The following ZFAND3 variants were observed in gnomAD, a reference collection of about 807,000 sequenced individuals.
ZFAND3 encodes the protein zinc finger AN1-type containing 3.
ZFAND3 carries 10 observed loss-of-function variants against 29.6 expected under a neutral mutation model. That is an observed-to-expected ratio of 0.34 (90% CI 0.21 to 0.57). The LOEUF (loss-of-function observed/expected upper bound fraction) is 0.57, where lower values mean the gene tolerates loss of function less well. Ranked by LOEUF, ZFAND3 falls within the 20% of genes least tolerant of loss-of-function variation. ZFAND3 has a pLI of 0.86. For missense variants in ZFAND3, 230 were observed against 304.5 expected, an observed-to-expected ratio of 0.76 and a Z score of 1.82; for synonymous variants, 128 against 112.6, an observed-to-expected ratio of 1.14 and a Z score of -0.87.
chr6:37,990,606 CAAAATAAATG>C (rs746257813), intron 2 of ZFAND3, among the ~76,000 whole-genome samples: 3 of 151,778 alleles, frequency 2.0e-5, no homozygotes, highest in Non-Finnish European at 4.4e-5. Context: ...CAAAACAAGG[CAAAATAAATG>C]AATAATTTTA....
chr6:38,061,721 A>G lies in ZFAND3; in HGVS notation c.241A>G (p.Ser81Gly), dbSNP rs1210938656. 2.5e-6 allele frequency: 4 copies of G among 1,614,192 alleles called. No individual in the cohort carries two copies. The highest frequency in any genetic ancestry group is 3.4e-6 in the Non-Finnish European group (4 of 1,180,016). Residue 81 changes from serine (S) to glycine (G), a missense_variant, in exon 3 of 6, where the codon AGC (serine) becomes GGC (glycine). Ser to Gly is a moderately conservative substitution (Grantham distance 56). This residue lies in a region of ZFAND3 where 180 missense variants were observed against 202.5 expected (regional missense o/e 0.89). Coordinates refer to ENST00000287218, the MANE Select transcript of ZFAND3 (RefSeq NM_021943.3). ...TSITTPTLSP[S>G]QQPLPTELNV... ...GATAACCACGCCAACTCTTAGTCCC[A>G]GCCAGCAGCCGCTTCCGACAGAACT...
intron 1 of ZFAND3, among the ~76,000 whole-genome samples, chr6:37,878,426 G>C (rs1764833011): frequency 6.6e-6 from 1 of 151,956 alleles, no homozygotes; most frequent in South Asian, 2.1e-4. Context: ...CCCAGCGCTT[G>C]ATGTAGCTCT....
At chr6:37,857,259 T>G (rs1764401235) in intron 1 of ZFAND3, among the ~76,000 whole-genome samples, 1 of 152,240 alleles carries the variant, frequency 6.6e-6, no homozygotes, top group African/African-American at 2.4e-5. Context: ...ATAAATATTA[T>G]GTTTATCAAC....
chr6:37,887,199 C>T (rs942307828), intron 1 of ZFAND3, among the ~76,000 whole-genome samples: 4 of 152,232 alleles, frequency 2.6e-5, no homozygotes, highest in African/African-American at 9.6e-5. Context: ...GAATTTTGCT[C>T]TTGGATTTGA....
At chr6:38,066,932 CTG>C (rs1764357876) in intron 3 of ZFAND3, among the ~76,000 whole-genome samples, 1 of 152,186 alleles carries the variant, frequency 6.6e-6, no homozygotes, top group Non-Finnish European at 1.5e-5. Context: ...CTGTCCCAAA[CTG>C]TGTGTGTCTG....
At chr6:37,871,781 A>G (rs552021856) in intron 1 of ZFAND3, among the ~76,000 whole-genome samples, 27 of 152,268 alleles carry the variant, frequency 1.8e-4, no homozygotes, top group Non-Finnish European at 3.5e-4. Context: ...AGTAATTTTG[A>G]AATGCATCCT....
rs529321733 is a variant in ZFAND3 at position 38,153,660 on chromosome 6, C to T, written c.*1271C>T. On this transcript the variant is annotated 3_prime_UTR_variant, in exon 6 of 6. Coordinates refer to ENST00000287218, the MANE Select transcript of ZFAND3 (RefSeq NM_021943.3). The stretch of plus-strand genomic sequence containing the variant: ...GGATTTCAGCAGCTGCAACTGCGCA[C>T]GCCAGGTGGGGAAGGGTGGGGGTGG... 20 of 985,176 alleles carry T rather than the reference C, an allele frequency of 2.0e-5. No homozygotes were observed. In the Admixed American group the frequency reaches 8.0e-4, roughly 39 times the overall value. 61.0% of individuals were successfully genotyped at this position (985,176 alleles called of 1,614,324 possible). A position where few individuals can be genotyped will look rare whatever the true frequency, so the allele number is the denominator to read the frequency against.
Position 37,962,170 on chromosome 6 carries a change from G to C in ZFAND3, c.112+32171G>C, listed in dbSNP as rs1294386920. On this transcript the variant is annotated intron_variant, in intron 2 of 5. Transcript: ENST00000287218. The stretch of plus-strand genomic sequence containing the variant: ...TAAATTTGAAAGATTGAAATAACAA[G>C]AATTAGGCAGAAATTCTGAAGTTGA... Among the ~76,000 whole-genome samples, 6 of 152,296 alleles carry C rather than the reference G, an allele frequency of 3.9e-5. No homozygotes were observed. The South Asian group carries it at 1.2e-3, about 32-fold the overall frequency.
At chr6:38,085,372 G>A (rs958367035) in intron 4 of ZFAND3, among the ~76,000 whole-genome samples, 1 of 152,128 alleles carries the variant, frequency 6.6e-6, no homozygotes, top group East Asian at 1.9e-4. Flanking sequence ...ATCCATACAA[G>A]GTTGGACCTA....
At chr6:38,136,015 A>G (rs890171021) in intron 5 of ZFAND3, among the ~76,000 whole-genome samples, 2 of 152,338 alleles carry the variant, frequency 1.3e-5, no homozygotes, top group African/African-American at 4.8e-5. Context: ...AAAGAGACAC[A>G]GTAGAGAAGG....
rs1049408774 is a variant in ZFAND3 at position 37,871,424 on chromosome 6, A to G, written c.71+51408A>G. 7.9e-5 allele frequency among the ~76,000 whole-genome samples: 12 copies of G among 152,362 alleles called. 1 individual carries two copies. The highest frequency in any genetic ancestry group is 3.3e-4 in the Admixed American group (5 of 15,308). ...CTTTAAAATTCTTGTCTACAAAGAA[A>G]GACTGGGGAACTGTCTCAGACTGGT... On this transcript the variant is annotated intron_variant, in intron 1 of 5. Coordinates refer to ENST00000287218, the MANE Select transcript of ZFAND3 (RefSeq NM_021943.3).
In ZFAND3 at chr6:37,819,852, C is replaced by T. The variant is rs532864475; in HGVS notation, c.-94C>T. ...CCTTCCCCCTCCCCCCGCCCCGAGC[C>T]CCCCGACGCCGCCGCCACCGCCTCC... On this transcript the variant is annotated 5_prime_UTR_variant, in exon 1 of 6. Coordinates refer to ENST00000287218, the MANE Select transcript of ZFAND3 (RefSeq NM_021943.3). 1.1e-6 allele frequency: 1 copy of T among 870,052 alleles called. No individual in the cohort carries two copies. Among genetic ancestry groups the T allele is most frequent in the African/African-American group, 1.8e-5 (1 of 55,634 alleles). 53.9% of individuals were successfully genotyped at this position (870,052 alleles called of 1,614,324 possible). A position where few individuals can be genotyped will look rare whatever the true frequency, so the allele number is the denominator to read the frequency against.
chr6:37,931,685 G>A (rs1333953140), intron 2 of ZFAND3, among the ~76,000 whole-genome samples: 1 of 152,158 alleles, frequency 6.6e-6, no homozygotes, highest in East Asian at 1.9e-4. Context: ...GTTGAGGCCT[G>A]GTCCAGAAGA....
Position 38,013,753 on chromosome 6 carries a change from A to G in ZFAND3, c.113-47840A>G, listed in dbSNP as rs762329078. On this transcript the variant is annotated intron_variant, in intron 2 of 5. Transcript: ENST00000287218. ...AAAAAAAAAACAAAAAAAACCTCCAATGTCCAGGTTACACCTCATACACGT... is the reference window on the plus strand; with the variant it reads ...AAAAAAAAAACAAAAAAAACCTCCAGTGTCCAGGTTACACCTCATACACGT... 2.3e-4 allele frequency among the ~76,000 whole-genome samples: 35 copies of G among 152,130 alleles called. 1 individual carries two copies. Among genetic ancestry groups the G allele is most frequent in the African/African-American group, 6.0e-4 (25 of 41,436 alleles).
At position 38,154,319 on chromosome 6, in the gene ZFAND3, C is replaced by T. The variant is rs916049462; in HGVS notation, c.*1930C>T. The stretch of plus-strand genomic sequence containing the variant: ...CGTGGAGGCAGCCATGGGAAGGAGC[C>T]CAGGGGAGCTGGCCTGGGGGAGCGA... On this transcript the variant is annotated 3_prime_UTR_variant, in exon 6 of 6. Coordinates refer to ENST00000287218, the MANE Select transcript of ZFAND3 (RefSeq NM_021943.3). 2 of 983,078 alleles carry T rather than the reference C, an allele frequency of 2.0e-6. No individual in the cohort carries two copies. Among genetic ancestry groups the T allele is most frequent in the Non-Finnish European group, 2.4e-6 (2 of 829,884 alleles). 60.9% of individuals were successfully genotyped at this position (983,078 alleles called of 1,614,324 possible).
At chr6:37,966,983 C>G (rs1429795323) in intron 2 of ZFAND3, among the ~76,000 whole-genome samples, 4 of 152,118 alleles carry the variant, frequency 2.6e-5, no homozygotes, top group African/African-American at 7.2e-5. Flanking sequence ...GCAGGAATAT[C>G]ATGTAAATTA....
At chr6:38,101,918 A>G (rs901705071) in intron 4 of ZFAND3, among the ~76,000 whole-genome samples, 1 of 152,112 alleles carries the variant, frequency 6.6e-6, no homozygotes, top group African/African-American at 2.4e-5. Flanking sequence ...TTTAGCATCT[A>G]CTCAGTTATG....
At chr6:37,913,167 C>A (rs896863473) in intron 1 of ZFAND3, among the ~76,000 whole-genome samples, 5 of 152,104 alleles carry the variant, frequency 3.3e-5, no homozygotes, top group Admixed American at 1.3e-4. Context: ...AATAAGACAA[C>A]AATGAAGTTT....
intron 1 of ZFAND3, among the ~76,000 whole-genome samples, chr6:37,862,593 C>T (rs1401866818): frequency 1.3e-4 from 20 of 150,886 alleles, no homozygotes; most frequent in Admixed American, 1.3e-3. Flanking sequence ...TTGAGGTGGG[C>T]GGGCTCACTT....
Sources: gnomAD v4.1 joint callset for allele counts (sites outside exome capture counted in the v4.1 genomes callset) on GRCh38, gnomAD v4.1.1 for gene constraint, gnomAD v4.1.1 regional missense constraint, MANE v1.5 for transcripts, NCBI Gene and HGNC (gene_info 2026-07-23, HGNC 2026-07-21) for gene names.